The following ZDHHC14 variants were observed in gnomAD, a reference collection of about 807,000 sequenced individuals.
ZDHHC14 encodes palmitoyltransferase ZDHHC14.
Under a neutral mutation model 47.7 loss-of-function variants are expected in ZDHHC14, and 16 were observed. The observed-to-expected ratio is 0.34, with a 90% confidence interval of 0.23 to 0.51. The LOEUF is 0.51. ZDHHC14 is among the 20% of genes least tolerant of loss of function. The probability of loss-of-function intolerance (pLI) is 0.97; values close to 1 mark genes in which losing one functional copy is unlikely to be tolerated. For synonymous variants in ZDHHC14, 293 were observed against 278.9 expected (o/e 1.05, Z -0.50); for missense variants, 515 against 662.5 (o/e 0.78, Z 2.44).
chr6:157,593,219 G>A (rs909106340), intron 3 of ZDHHC14, 73 bp downstream of exon 3: 122 of 1,505,540 alleles, frequency 8.1e-5, no homozygotes, highest in Non-Finnish European at 1.0e-4. Context: ...CCAACCCTGC[G>A]CCACGGAACA....
At chr6:157,573,050 G>C (rs1582961640) in intron 2 of ZDHHC14, among the ~76,000 whole-genome samples, 1 of 151,970 alleles carries the variant, frequency 6.6e-6, no homozygotes, top group African/African-American at 2.4e-5. Flanking sequence ...ACCAAGTCTG[G>C]GAAAAGCCCA....
At chr6:157,536,879 C>T (rs150682491) in intron 1 of ZDHHC14, among the ~76,000 whole-genome samples, 1,349 of 48,706 alleles carry the variant, frequency 0.028, 154 homozygotes, top group African/African-American at 0.096. Flanking sequence ...AGTGCAGTGG[C>T]GGGATCTCGG....
chr6:157,675,491 A>T lies in ZDHHC14; in HGVS notation c.*2369A>T, dbSNP rs1231301561. ...ACTGGGAATTTTGGTGAAGTGAATC[A>T]AGGCTATTCAGGGTCAAGAGAGAGA... On this transcript the variant is annotated 3_prime_UTR_variant, in exon 9 of 9. Coordinates refer to ENST00000359775, the MANE Select transcript of ZDHHC14 (RefSeq NM_024630.3). 2.6e-5 allele frequency: 4 copies of T among 152,246 alleles called. No individual in the cohort carries two copies. The highest frequency in any genetic ancestry group is 4.4e-5 in the Non-Finnish European group (3 of 68,050). 9.4% of individuals were successfully genotyped at this position (152,246 alleles called of 1,614,324 possible). A position where few individuals can be genotyped will look rare whatever the true frequency, so the allele number is the denominator to read the frequency against.
At chr6:157,445,151 ATATC>A (rs58049616) in intron 1 of ZDHHC14, among the ~76,000 whole-genome samples, 6,808 of 132,610 alleles carry the variant, frequency 0.051, 270 homozygotes, top group African/African-American at 0.12. Flanking sequence ...CACACTCTTC[ATATC>A]TATCTATCTA....
At chr6:157,448,144 T>C (rs1274862856) in intron 1 of ZDHHC14, among the ~76,000 whole-genome samples, 1 of 152,096 alleles carries the variant, frequency 6.6e-6, no homozygotes, top group Admixed American at 6.5e-5. Context: ...CTCCCAAAGG[T>C]TGGGATTACA....
At chr6:157,549,559 A>G (rs1782137398) in intron 2 of ZDHHC14, among the ~76,000 whole-genome samples, 1 of 152,172 alleles carries the variant, frequency 6.6e-6, no homozygotes, top group South Asian at 2.1e-4. Context: ...AGAACCATCT[A>G]GAGTGCATGG....
At chr6:157,386,181 GA>G (rs1180538752) in intron 1 of ZDHHC14, among the ~76,000 whole-genome samples, 1 of 152,084 alleles carries the variant, frequency 6.6e-6, no homozygotes, top group East Asian at 1.9e-4. Flanking sequence ...CTGTGACTGT[GA>G]AAAAGCTCAC....
intron 1 of ZDHHC14, among the ~76,000 whole-genome samples, chr6:157,540,933 T>TATATATATATATATATATATATATAA (rs1252700559): frequency 6.1e-4 from 87 of 143,286 alleles, no homozygotes; most frequent in African/African-American, 2.3e-3. Context: ...TATATATATA[T>TATATATATATATATATATATATATAA]AATTTCATAC....
intron 7 of ZDHHC14, among the ~76,000 whole-genome samples, chr6:157,649,911 C>T (rs539114760): frequency 3.3e-5 from 5 of 152,346 alleles, no homozygotes; most frequent in African/African-American, 1.2e-4. Flanking sequence ...CCATTGACTG[C>T]CCATGTGCGG....
chr6:157,521,461 C>T (rs914565986), intron 1 of ZDHHC14, among the ~76,000 whole-genome samples: 2 of 152,224 alleles, frequency 1.3e-5, no homozygotes, highest in African/African-American at 2.4e-5. Context: ...ACTTACTTCT[C>T]ACAGTTCTGG....
intron 1 of ZDHHC14, among the ~76,000 whole-genome samples, chr6:157,408,293 CT>C (rs943120733): frequency 1.2e-4 from 18 of 149,742 alleles, no homozygotes; most frequent in South Asian, 4.3e-4. Flanking sequence ...CTCCTTTCTG[CT>C]TTTTTTTTTC....
intron 6 of ZDHHC14, 116 bp from the exon 7 acceptor site, chr6:157,647,143 A>T (rs780598998): frequency 1.5e-4 from 109 of 718,222 alleles, no homozygotes; most frequent in Non-Finnish European, 1.8e-4. Context: ...AAATACCTCC[A>T]TTTCTTTGGA....
chr6:157,395,655 G>A lies in ZDHHC14; in HGVS notation c.245+13389G>A, dbSNP rs185434239. The stretch of plus-strand genomic sequence containing the variant: ...CTAAAATACAAAAAATTAGCCGGAC[G>A]TGGTGGCACACGCCTGTAGTCCCAG... On this transcript the variant is annotated intron_variant, in intron 1 of 8. Transcript: ENST00000359775. Among the ~76,000 whole-genome samples, 516 of 152,214 alleles carry A rather than the reference G, an allele frequency of 3.4e-3. 5 individuals carry two copies. The highest frequency in any genetic ancestry group is 0.012 in the African/African-American group (488 of 41,542).
intron 3 of ZDHHC14, among the ~76,000 whole-genome samples, chr6:157,619,695 TGTTTTA>T (rs1785108376): frequency 6.8e-6 from 1 of 146,424 alleles, no homozygotes; most frequent in African/African-American, 2.5e-5. Context: ...TACACTGAAA[TGTTTTA>T]GTTTTAGGGT....
intron 3 of ZDHHC14, among the ~76,000 whole-genome samples, chr6:157,600,016 G>A (rs2082567783): frequency 1.3e-5 from 2 of 152,188 alleles, no homozygotes; most frequent in Admixed American, 6.5e-5. Context: ...TTGATTACTA[G>A]CCATGAAAAA....
At chr6:157,546,188 G>T (rs1781966422) in intron 2 of ZDHHC14, among the ~76,000 whole-genome samples, 1 of 152,198 alleles carries the variant, frequency 6.6e-6, no homozygotes, top group South Asian at 2.1e-4. Context: ...TTCCATCACT[G>T]ATCTAACCCT....
chr6:157,402,570 T>C (rs1432794776), intron 1 of ZDHHC14, among the ~76,000 whole-genome samples: 1 of 152,206 alleles, frequency 6.6e-6, no homozygotes, highest in Non-Finnish European at 1.5e-5. Flanking sequence ...GATATGATGG[T>C]CCCTATCATC....
At chr6:157,429,327 A>G (rs112442248) in intron 1 of ZDHHC14, among the ~76,000 whole-genome samples, 1,785 of 152,248 alleles carry the variant, frequency 0.012, 41 homozygotes, top group African/African-American at 0.042. Flanking sequence ...TTTGATAAGC[A>G]TTGGTATTGT....
At chr6:157,662,330 C>T (rs148509767) in intron 8 of ZDHHC14, among the ~76,000 whole-genome samples, 4,240 of 152,236 alleles carry the variant, frequency 0.028, 125 homozygotes, top group African/African-American at 0.074. Flanking sequence ...TACAGGTGCG[C>T]GCCATCATGC....
Sources: gnomAD v4.1 joint callset for allele counts (sites outside exome capture counted in the v4.1 genomes callset) on GRCh38, gnomAD v4.1.1 for gene constraint, MANE v1.5 for transcripts, NCBI Gene and HGNC (gene_info 2026-07-23, HGNC 2026-07-21) for gene names.